The following SPATA6 variants were observed in gnomAD, a reference collection of about 807,000 sequenced individuals.
SPATA6 encodes spermatogenesis-associated protein 6.
A neutral mutation model predicts 65.3 loss-of-function variants in SPATA6; 56 were observed. That is an observed-to-expected ratio of 0.86 (90% CI 0.69 to 1.07). SPATA6 has a LOEUF of 1.07. Among genes scored for constraint, SPATA6 ranks in the 50% least tolerant of loss-of-function variants. The probability of loss-of-function intolerance (pLI) is 0.00; values close to 1 mark genes in which losing one functional copy is unlikely to be tolerated. For missense variants in SPATA6, 590 were observed against 594.8 expected, an observed-to-expected ratio of 0.99 and a Z score of 0.08; for synonymous variants, 199 against 213.2, an observed-to-expected ratio of 0.93 and a Z score of 0.58.
chr1:48,371,456 G>A (rs570987858), intron 9 of SPATA6, among the ~76,000 whole-genome samples: 1 of 152,078 alleles, frequency 6.6e-6, no homozygotes, highest in Non-Finnish European at 1.5e-5. Context: ...TCCTATCAAA[G>A]ACAAGAATAC....
At chr1:48,295,341 A>G (rs565576925), downstream of SPATA6, 8 of 152,344 alleles carry the variant, frequency 5.3e-5, no homozygotes, top group South Asian at 1.7e-3. Context: ...CAACCAAAAT[A>G]TCTATCAATT....
At chr1:48,302,263 G>A (rs577273139) in intron 12 of SPATA6, among the ~76,000 whole-genome samples, 1 of 152,220 alleles carries the variant, frequency 6.6e-6, no homozygotes, top group East Asian at 1.9e-4. Context: ...TTCTTACATG[G>A]ATATATTACA....
chr1:48,323,518 G>A (rs1645662478), intron 11 of SPATA6, among the ~76,000 whole-genome samples: 1 of 151,278 alleles, frequency 6.6e-6, no homozygotes, highest in African/African-American at 2.4e-5. Context: ...GTATACTGAT[G>A]TTAAAAACCT....
the SPATA6 span, among the ~76,000 whole-genome samples, chr1:48,264,071 G>A: frequency 6.6e-6 from 1 of 152,118 alleles, no homozygotes; most frequent in African/African-American, 2.4e-5. Flanking sequence ...CATCCAGTGT[G>A]TAGTTCACAA....
chr1:48,435,878 A>T (rs2148078013), intron 3 of SPATA6: 2 of 1,334,224 alleles, frequency 1.5e-6, no homozygotes, highest in African/African-American at 1.4e-5. Flanking sequence ...TAGGTAGGAT[A>T]TATCTGCATC....
At chr1:48,340,601 AAAG>A (rs1488557793) in intron 11 of SPATA6, among the ~76,000 whole-genome samples, 1 of 151,848 alleles carries the variant, frequency 6.6e-6, no homozygotes, top group Non-Finnish European at 1.5e-5. Flanking sequence ...AGAAATAAAA[AAAG>A]AACAAAACTA....
chr1:48,427,189 A>G (rs1285715061), intron 3 of SPATA6, among the ~76,000 whole-genome samples: 2 of 152,126 alleles, frequency 1.3e-5, no homozygotes, highest in Non-Finnish European at 2.9e-5. Flanking sequence ...ACGCTTCCCA[A>G]AGTGCTGGGA....
chr1:48,451,718 G>T, intron 2 of SPATA6, 118 bp from the exon 3 acceptor site: 2 of 880,594 alleles, frequency 2.3e-6, no homozygotes, highest in Non-Finnish European at 3.4e-6. Context: ...ATTGAGAACT[G>T]TCAGTTCCTC....
chr1:48,289,512 G>A, the SPATA6 span, among the ~76,000 whole-genome samples: 7 of 152,114 alleles, frequency 4.6e-5, no homozygotes, highest in Non-Finnish European at 8.8e-5. Context: ...TTGACAAGTT[G>A]AGAGAAGGCT....
At chr1:48,329,924 G>A (rs150378547) in intron 11 of SPATA6, among the ~76,000 whole-genome samples, 1 of 152,196 alleles carries the variant, frequency 6.6e-6, no homozygotes, top group Non-Finnish European at 1.5e-5. Flanking sequence ...CTTCTAGACT[G>A]AGGCAGAGAG....
intron 5 of SPATA6, among the ~76,000 whole-genome samples, chr1:48,410,782 C>T (rs1193752557): frequency 6.6e-6 from 1 of 152,126 alleles, no homozygotes; most frequent in African/African-American, 2.4e-5. Context: ...ATCATGAGAA[C>T]AGCACGGGGG....
At chr1:48,327,258 C>T (rs772136501) in intron 11 of SPATA6, among the ~76,000 whole-genome samples, 7 of 152,148 alleles carry the variant, frequency 4.6e-5, no homozygotes, top group Non-Finnish European at 1.0e-4. Flanking sequence ...CTCAACATCA[C>T]TAATCATCAG....
At chr1:48,310,377 A>G (rs72891539) in intron 11 of SPATA6, among the ~76,000 whole-genome samples, 3,906 of 152,222 alleles carry the variant, frequency 0.026, 108 homozygotes, top group African/African-American at 0.071. Flanking sequence ...TGAGATTGTG[A>G]CATGTTGGTT....
chr1:48,262,455 A>G, the SPATA6 span: 1 of 152,148 alleles, frequency 6.6e-6, no homozygotes, highest in African/African-American at 2.4e-5. Flanking sequence ...CACATTGCGT[A>G]AGTAGATCAT....
intron 11 of SPATA6, among the ~76,000 whole-genome samples, chr1:48,353,710 A>G (rs961750234): frequency 6.6e-6 from 1 of 152,010 alleles, no homozygotes; most frequent in African/African-American, 2.4e-5. Context: ...ACAAATCTAT[A>G]ATCATGAGAC....
chr1:48,464,809 G>A (rs1657694755), intron 1 of SPATA6, among the ~76,000 whole-genome samples: 2 of 152,116 alleles, frequency 1.3e-5, no homozygotes, highest in African/African-American at 4.8e-5. Context: ...GGAGCAATCT[G>A]GGGTTCTGAT....
At chr1:48,301,546 CA>C (rs879317585) in intron 12 of SPATA6, among the ~76,000 whole-genome samples, 32 of 147,504 alleles carry the variant, frequency 2.2e-4, no homozygotes, top group Admixed American at 5.4e-4. Flanking sequence ...CACACACACA[CA>C]AAAAAAAAAA....
At chr1:48,322,036 G>GT (rs1367230693) in intron 11 of SPATA6, among the ~76,000 whole-genome samples, 2 of 151,982 alleles carry the variant, frequency 1.3e-5, no homozygotes, top group Non-Finnish European at 2.9e-5. Context: ...GCTTATAGCA[G>GT]TAAGCGCCTA....
At chr1:48,404,796 T>C (rs991526294) in intron 5 of SPATA6, among the ~76,000 whole-genome samples, 35 of 152,220 alleles carry the variant, frequency 2.3e-4, no homozygotes, top group African/African-American at 8.4e-4. Context: ...TGGCTTATAT[T>C]TCTAACATTT....
Sources: gnomAD v4.1 joint callset for allele counts (sites outside exome capture counted in the v4.1 genomes callset) on GRCh38, gnomAD v4.1.1 for gene constraint, MANE v1.5 for transcripts, NCBI Gene and HGNC (gene_info 2026-07-23, HGNC 2026-07-21) for gene names.